ADGRD1: variants seen among roughly 807,000 people sequenced by gnomAD.
The protein encoded by ADGRD1 is adhesion G protein-coupled receptor D1, also known as G-protein coupled receptor 133.
Under a neutral mutation model 113.4 loss-of-function variants are expected in ADGRD1, and 77 were observed. The ratio of observed to expected loss-of-function variants is 0.68; its 90% CI spans 0.57 to 0.82. The LOEUF (loss-of-function observed/expected upper bound fraction) is 0.82. ADGRD1 is among the 40% of genes least tolerant of loss of function. The pLI is 0.00. For synonymous variants in ADGRD1, 474 were observed against 475.0 expected, an observed-to-expected ratio of 1.00 and a Z score of 0.03; for missense variants, 1,036 against 1,139.1, an observed-to-expected ratio of 0.91 and a Z score of 1.30.
chr12:131,140,832 C>T lies in ADGRD1; in HGVS notation c.*1569C>T, dbSNP rs1009019655. On this transcript the variant is annotated 3_prime_UTR_variant, in exon 25 of 25. Transcript: ENST00000261654. ...ACCTTTGCTCTTCTGTCAGGCGAGGCCCAGGCTGCACCAGCCACCTGCCAC... is the reference window on the plus strand; with the variant it reads ...ACCTTTGCTCTTCTGTCAGGCGAGGTCCAGGCTGCACCAGCCACCTGCCAC... 39 of 152,274 alleles carry T rather than the reference C, an allele frequency of 2.6e-4. 1 individual carries two copies. The highest frequency in any genetic ancestry group is 8.7e-4 in the African/African-American group (36 of 41,472). 9.4% of individuals were successfully genotyped at this position (152,274 alleles called of 1,614,324 possible). A position where few individuals can be genotyped will look rare whatever the true frequency, so the allele number is the denominator to read the frequency against.
chr12:131,135,643 C>A (rs2136109421), intron 21 of ADGRD1, among the ~76,000 whole-genome samples: 1 of 152,328 alleles, frequency 6.6e-6, no homozygotes, highest in East Asian at 1.9e-4. Context: ...TCACAGGAGG[C>A]CTGGGTTCTG....
At chr12:131,039,525 G>A (rs573019351) in intron 13 of ADGRD1, among the ~76,000 whole-genome samples, 16 of 152,392 alleles carry the variant, frequency 1.0e-4, no homozygotes, top group African/African-American at 3.6e-4. Context: ...CCTGTTCCCT[G>A]CAGGGAGCTC....
At position 130,987,101 on chromosome 12, in the gene ADGRD1, A is replaced by T. The variant is rs1873784598; in HGVS notation, c.497A>T (p.Tyr166Phe). The T allele has an allele frequency of 1.2e-6, 2 of 1,613,786 alleles. No individual in the cohort carries two copies. The highest frequency in any genetic ancestry group is 4.5e-5 in the East Asian group (2 of 44,880). The stretch of plus-strand genomic sequence containing the variant: ...GATCTTCACTCTTTTCCAGGCCCCT[A>T]TTGGACTCATGTCCTATTTACATGG... ...WEASFSPPGP[Y>F]WTHVLFTWKS... Residue 166 changes from tyrosine (Y) to phenylalanine (F), a missense_variant, in exon 6 of 25, where the codon TAT (tyrosine) becomes TTT (phenylalanine). Physicochemically the swap from Tyr to Phe is conservative, Grantham distance 22. Transcript: ENST00000261654.
At chr12:131,126,849 C>G (rs768106141) in intron 20 of ADGRD1, among the ~76,000 whole-genome samples, 1 of 152,104 alleles carries the variant, frequency 6.6e-6, no homozygotes, top group South Asian at 2.1e-4. Flanking sequence ...GGGCATTTTC[C>G]GATTTGTAGT....
chr12:130,998,481 T>C (rs1346034390), intron 8 of ADGRD1, among the ~76,000 whole-genome samples: 3 of 152,134 alleles, frequency 2.0e-5, no homozygotes, highest in South Asian at 4.2e-4. Context: ...CTTTCTTTTT[T>C]TGAGATGGAG....
chr12:131,098,167 C>T (rs563925381), intron 15 of ADGRD1, among the ~76,000 whole-genome samples: 1 of 133,660 alleles, frequency 7.5e-6, no homozygotes, highest in Non-Finnish European at 1.6e-5. Flanking sequence ...ACTTCCTTCT[C>T]CCGCAGTGGC....
rs1236083352 is a variant in ADGRD1, at chr12:131,003,322, G to A, written c.1144+20G>A. ...TGGCAGGTAGCTGTCGCTTGTAAGG[G>A]TGAGCCACATGGCAGGGGCGGGGGC... On this transcript the variant is annotated intron_variant, in intron 10 of 24. Coordinates refer to ENST00000261654, the MANE Select transcript of ADGRD1 (RefSeq NM_198827.5). This position sits in a 1 kb window ranked among gnomAD's most constrained non-coding sequence, Gnocchi z 4.8. 2.6e-6 allele frequency: 4 copies of A among 1,550,624 alleles called. No individual in the cohort carries two copies. In the Admixed American group the frequency reaches 5.0e-5, roughly 19 times the overall value.
At chr12:131,119,684 C>G (rs1387883150) in intron 19 of ADGRD1, among the ~76,000 whole-genome samples, 3 of 152,254 alleles carry the variant, frequency 2.0e-5, no homozygotes, top group Non-Finnish European at 4.4e-5. Flanking sequence ...AGCACAATCT[C>G]TCTCTTTGCA....
Position 130,997,191 on chromosome 12 carries a change from C to CA in ADGRD1, c.967-3192_967-3191insA, listed in dbSNP as rs1394607711. Among the ~76,000 whole-genome samples, 7 of 140,686 alleles carry CA rather than the reference C, an allele frequency of 5.0e-5. 1 individual carries two copies. The highest frequency in any genetic ancestry group is 9.5e-5 in the Non-Finnish European group (6 of 63,262). 92.3% of individuals were successfully genotyped at this position (140,686 alleles called of 152,430 possible). ...CGGCTTGCCGGGCGGGGGGCTGACC[C>CA]CCCCCCCCGGACGGGGCAGCTGGCC... On this transcript the variant is annotated intron_variant, in intron 8 of 24. Transcript: ENST00000261654.
At chr12:131,081,238 A>C (rs952428356) in intron 14 of ADGRD1, among the ~76,000 whole-genome samples, 5 of 151,962 alleles carry the variant, frequency 3.3e-5, no homozygotes, top group Non-Finnish European at 7.4e-5. Context: ...CCAGTCCTAA[A>C]ATTTCTGTTT....
intron 14 of ADGRD1, among the ~76,000 whole-genome samples, chr12:131,077,179 C>T (rs952728016): frequency 2.0e-5 from 3 of 152,152 alleles, no homozygotes; most frequent in Admixed American, 6.5e-5. Flanking sequence ...GGATGCTGTC[C>T]GTTGGAGCAG....
intron 15 of ADGRD1, among the ~76,000 whole-genome samples, chr12:131,102,588 C>T (rs1295089269): frequency 2.0e-5 from 3 of 152,176 alleles, no homozygotes; most frequent in African/African-American, 7.2e-5. Context: ...GGGCTCTGGG[C>T]AGAGTCGGTG....
chr12:130,996,160 G>C (rs560254723), intron 8 of ADGRD1, among the ~76,000 whole-genome samples: 1 of 150,538 alleles, frequency 6.6e-6, no homozygotes, highest in East Asian at 1.9e-4. Context: ...AAAATGAAAA[G>C]TCTCCCATGT....
At chr12:131,026,555 C>T (rs193244753) in intron 13 of ADGRD1, 1 of 152,484 alleles carries the variant, frequency 6.6e-6, no homozygotes, top group African/African-American at 2.4e-5. Context: ...GAGTGGAATC[C>T]AGACTTTGGC....
chr12:131,139,311 C>A lies in ADGRD1; in HGVS notation c.*48C>A, dbSNP rs144392939. On this transcript the variant is annotated 3_prime_UTR_variant, in exon 25 of 25. Transcript: ENST00000261654. ...CAGGCTGCGCTCAGAACACACCCCC[C>A]CAAACAGAATGAAATGCCCCACCTT... 1 of 1,307,198 alleles carries A rather than the reference C, an allele frequency of 7.6e-7. No homozygotes were observed. Among genetic ancestry groups the A allele is most frequent in the South Asian group, 1.2e-5 (1 of 81,402 alleles). The allele number at this position is 1,307,198 out of a possible 1,614,324, so 81.0% of individuals were successfully genotyped here.
chr12:131,121,633 G>A (rs1950597274), intron 20 of ADGRD1, among the ~76,000 whole-genome samples: 1 of 152,164 alleles, frequency 6.6e-6, no homozygotes. Context: ...GCCCTCCTCT[G>A]TCTCCCAAAG....
At chr12:131,080,738 A>T (rs1263071434) in intron 14 of ADGRD1, among the ~76,000 whole-genome samples, 1 of 152,104 alleles carries the variant, frequency 6.6e-6, no homozygotes, top group Non-Finnish European at 1.5e-5. Flanking sequence ...CTCCTGCCTC[A>T]GCCTCCCGAG....
chr12:131,069,486 A>C (rs1403074666), intron 13 of ADGRD1: 1 of 152,300 alleles, frequency 6.6e-6, no homozygotes, highest in Non-Finnish European at 1.5e-5. Context: ...GAATGACTTC[A>C]CTCATGTAAA....
chr12:131,017,289 C>A (rs1195919), intron 13 of ADGRD1, among the ~76,000 whole-genome samples: 2 of 132,376 alleles, frequency 1.5e-5, no homozygotes, highest in South Asian at 2.6e-4. Context: ...ACACCCAGTG[C>A]ACACAGTCCA....
Sources: gnomAD v4.1 joint callset for allele counts (sites outside exome capture counted in the v4.1 genomes callset) on GRCh38, gnomAD v4.1.1 for gene constraint, Gnocchi (gnomAD v3.1) non-coding constraint, MANE v1.5 for transcripts, NCBI Gene and HGNC (gene_info 2026-07-23, HGNC 2026-07-21) for gene names.